CKS2: variants seen among roughly 807,000 people sequenced by gnomAD.
The protein encoded by CKS2 is cyclin-dependent kinases regulatory subunit 2.
CKS2 carries 4 observed loss-of-function variants against 14.3 expected under a neutral mutation model. The ratio of observed to expected loss-of-function variants is 0.28; its 90% CI spans 0.14 to 0.64. CKS2 has a LOEUF of 0.64. CKS2 is among the 30% of genes least tolerant of loss of function. CKS2 has a pLI of 0.83. For synonymous variants in CKS2, 33 were observed against 28.7 expected (o/e 1.15, Z -0.48); for missense variants, 71 against 94.3 (o/e 0.75, Z 1.02).
At chr9:89,315,552 AT>A (rs1372239573) in intron 2 of CKS2, among the ~76,000 whole-genome samples, 51 of 139,362 alleles carry the variant, frequency 3.7e-4, no homozygotes, top group East Asian at 1.5e-3. Context: ...AAAAAAAAAA[AT>A]GTATTTTAAA....
intron 1 of CKS2, among the ~76,000 whole-genome samples, chr9:89,311,888 C>T (rs1230220098): frequency 6.6e-6 from 1 of 152,126 alleles, no homozygotes; most frequent in Non-Finnish European, 1.5e-5. Context: ...TCATTTTCAT[C>T]TGTTAACACA....
chr9:89,316,229 G>GA (rs530460473), intron 2 of CKS2, 144 bp from the exon 3 acceptor site: 380 of 604,920 alleles, frequency 6.3e-4, no homozygotes, highest in Middle Eastern at 7.9e-4. Context: ...CAGTAACTGT[G>GA]AAAAAAAAAT....
At chr9:89,315,613 C>T (rs1336591628) in intron 2 of CKS2, among the ~76,000 whole-genome samples, 2 of 151,186 alleles carry the variant, frequency 1.3e-5, no homozygotes, top group East Asian at 1.9e-4. Flanking sequence ...ATAAGTATAT[C>T]CTAAGACAAG....
At chr9:89,312,376 CTAGG>C (rs937301399) in intron 1 of CKS2, 1 of 154,462 alleles carries the variant, frequency 6.5e-6, no homozygotes, top group Non-Finnish European at 1.5e-5. Flanking sequence ...TTTTTCTTAA[CTAGG>C]TAGCGACTAG....
intron 1 of CKS2, 144 bp from the exon 2 acceptor site, chr9:89,315,026 T>C (rs1488237852): frequency 1.8e-6 from 1 of 567,026 alleles, no homozygotes; most frequent in South Asian, 3.9e-5. Context: ...AGCTCCCTAA[T>C]TTGAACATAG....
chr9:89,312,547 C>G (rs951488332), intron 1 of CKS2, among the ~76,000 whole-genome samples: 6 of 152,128 alleles, frequency 3.9e-5, no homozygotes, highest in Non-Finnish European at 7.4e-5. Context: ...GGTGGTTTCT[C>G]TTTTTCTCCC....
At chr9:89,316,251 C>T (rs1824710342) in intron 2 of CKS2, 122 bp from the exon 3 acceptor site, 1 of 666,820 alleles carries the variant, frequency 1.5e-6, no homozygotes, top group Non-Finnish European at 2.7e-6. Context: ...ATTTTGGATA[C>T]CTCAAACCAA....
intron 1 of CKS2, 135 bp from the exon 2 acceptor site, chr9:89,315,035 A>C: frequency 1.6e-6 from 1 of 606,442 alleles, no homozygotes; most frequent in Non-Finnish European, 2.6e-6. Context: ...ATTTGAACAT[A>C]GGCCATCATA....
At chr9:89,313,867 T>G (rs1254806780) in intron 1 of CKS2, among the ~76,000 whole-genome samples, 1 of 152,250 alleles carries the variant, frequency 6.6e-6, no homozygotes, top group Non-Finnish European at 1.5e-5. Flanking sequence ...TGATGAAAAC[T>G]CTACAAATTA....
chr9:89,312,978 A>C (rs1233943657), intron 1 of CKS2, among the ~76,000 whole-genome samples: 1 of 152,206 alleles, frequency 6.6e-6, no homozygotes, highest in Non-Finnish European at 1.5e-5. Flanking sequence ...TCGATTTTTT[A>C]GTTTTAATAT....
At chr9:89,316,161 G>A (rs2131464949) in intron 2 of CKS2, among the ~76,000 whole-genome samples, 1 of 152,212 alleles carries the variant, frequency 6.6e-6, no homozygotes, top group South Asian at 2.1e-4. Context: ...GTGATTTGAA[G>A]GAGGTGTTTT....
rs1824717988 is a variant in CKS2 at position 89,316,563 on chromosome 9, G to A, written c.*138G>A. 1 of 525,152 alleles carries A rather than the reference G, an allele frequency of 1.9e-6. No homozygotes were observed. Among genetic ancestry groups the A allele is most frequent in the Non-Finnish European group, 3.4e-6 (1 of 291,320 alleles). 32.5% of individuals were successfully genotyped at this position (525,152 alleles called of 1,614,324 possible). A position where few individuals can be genotyped will look rare whatever the true frequency, so the allele number is the denominator to read the frequency against. Reference sequence around the variant, plus strand: ...GAGCTGTATTCTTCACAGCAACAGAGCTCAGTTAAATGCAACTGCAAGTAG... The same window carrying A: ...GAGCTGTATTCTTCACAGCAACAGAACTCAGTTAAATGCAACTGCAAGTAG... On this transcript the variant is annotated 3_prime_UTR_variant, in exon 3 of 3. Coordinates refer to ENST00000314355, the MANE Select transcript of CKS2 (RefSeq NM_001827.3).
At chr9:89,315,958 T>G (rs933100469) in intron 2 of CKS2, among the ~76,000 whole-genome samples, 43 of 152,332 alleles carry the variant, frequency 2.8e-4, no homozygotes, top group African/African-American at 9.9e-4. Context: ...TATCTTCTAC[T>G]CTGCTGTTAA....
In CKS2 at chr9:89,311,372, C is replaced by T. The variant is rs747318666; in HGVS notation, c.59+21C>T. 5.0e-6 allele frequency: 8 copies of T among 1,592,410 alleles called. No homozygotes were observed. In the South Asian group the frequency reaches 9.0e-5, roughly 18 times the overall value. ...TACCGGTGGGCGCCTTTCTTAGACC[C>T]CGAGCCGGCTCCCTCAGCCGGGGCC... On this transcript the variant is annotated intron_variant, in intron 1 of 2. Transcript: ENST00000314355.
chr9:89,313,259 G>A (rs1310914145), intron 1 of CKS2, among the ~76,000 whole-genome samples: 1 of 152,176 alleles, frequency 6.6e-6, no homozygotes, highest in Non-Finnish European at 1.5e-5. Context: ...CCAGTGTGCA[G>A]TTATCTCTAT....
At chr9:89,312,752 A>G (rs1225568134) in intron 1 of CKS2, among the ~76,000 whole-genome samples, 4 of 152,180 alleles carry the variant, frequency 2.6e-5, no homozygotes, top group Non-Finnish European at 5.9e-5. Context: ...GCAGTGTTCA[A>G]TTATGCGATG....
In CKS2 at chr9:89,311,209, A is replaced by G. The variant is rs3211665; in HGVS notation, c.-84A>G. ...GGACTGCGGTCGTTAGTCTCCGGCG[A>G]GTTGTTGCCTGGGCTGGACGTGGTT... On this transcript the variant is annotated 5_prime_UTR_variant, in exon 1 of 3. Coordinates refer to ENST00000314355, the MANE Select transcript of CKS2 (RefSeq NM_001827.3). The G allele has an allele frequency of 0.025, 27,191 of 1,109,708 alleles. 418 individuals carry two copies. The highest frequency in any genetic ancestry group is 0.03 in the Non-Finnish European group (22,220 of 741,742). 68.7% of individuals were successfully genotyped at this position (1,109,708 alleles called of 1,614,324 possible). A position where few individuals can be genotyped will look rare whatever the true frequency, so the allele number is the denominator to read the frequency against.
intron 1 of CKS2, among the ~76,000 whole-genome samples, chr9:89,314,214 T>C (rs951828645): frequency 8.5e-5 from 13 of 152,198 alleles, no homozygotes; most frequent in African/African-American, 2.9e-4. Flanking sequence ...TTTCATAAAG[T>C]CCTTTTTATG....
At chr9:89,314,109 T>G (rs182258782) in intron 1 of CKS2, among the ~76,000 whole-genome samples, 1 of 152,346 alleles carries the variant, frequency 6.6e-6, no homozygotes, top group Admixed American at 6.5e-5. Flanking sequence ...AGATATCTTA[T>G]ACTGGTTAAA....
Sources: allele counts gnomAD v4.1 joint callset (sites outside exome capture counted in the v4.1 genomes callset), GRCh38; gene constraint gnomAD v4.1.1; transcripts MANE v1.5; gene names NCBI Gene and HGNC (gene_info 2026-07-23, HGNC 2026-07-21).